POM121C: variants seen among roughly 807,000 people sequenced by gnomAD.
POM121C encodes the protein nuclear envelope pore membrane protein POM 121C.
POM121C carries 20 observed loss-of-function variants against 66.4 expected under a neutral mutation model. That is an observed-to-expected ratio of 0.30 (90% CI 0.21 to 0.44). POM121C has a LOEUF of 0.44. Ranked by LOEUF, POM121C falls within the 20% of genes least tolerant of loss-of-function variation. POM121C has a pLI of 1.00. For missense variants in POM121C, 580 were observed against 1,225.7 expected (o/e 0.47, Z 7.87); for synonymous variants, 286 against 528.0 (o/e 0.54, Z 6.28).
chr7:75,449,463 C>A (rs1276408095), intron 3 of POM121C, among the ~76,000 whole-genome samples: 22 of 151,794 alleles, frequency 1.4e-4, no homozygotes, highest in African/African-American at 5.3e-4. Flanking sequence ...CTCCCGGGTT[C>A]ATGCCATTCT....
rs2116528459 is a variant in POM121C, at chr7:75,474,894, A to G, written c.-330-12T>C. 9.2e-7 allele frequency: 1 copy of G among 1,083,190 alleles called. No individual in the cohort carries two copies. The highest frequency in any genetic ancestry group is 2.4e-5 in the East Asian group (1 of 42,046). The allele number at this position is 1,083,190 out of a possible 1,614,324, so 67.1% of individuals were successfully genotyped here. On this transcript the variant is annotated splice_polypyrimidine_tract_variant and intron_variant, in intron 2 of 14. Coordinates refer to ENST00000615331, the MANE Select transcript of POM121C (RefSeq NM_001099415.3). ...TGCCACCTCATAAGCTGCATAACAG[A>G]AATGCTCCATTTTTTACCTTATCAA... is the stretch of plus-strand genomic sequence containing the variant.
chr7:75,439,439 T>C (rs1473994634), intron 5 of POM121C, among the ~76,000 whole-genome samples: 1 of 152,118 alleles, frequency 6.6e-6, no homozygotes, highest in Non-Finnish European at 1.5e-5. Context: ...TGGAGTGCAA[T>C]AGCACAATCT....
chr7:75,434,432 A>G (rs76604115), intron 7 of POM121C, among the ~76,000 whole-genome samples: 2 of 151,354 alleles, frequency 1.3e-5, no homozygotes, highest in African/African-American at 4.9e-5. Flanking sequence ...ACGCCACCAC[A>G]CCTGGTTAAA....
rs180882840 is a variant in POM121C at position 75,421,618 on chromosome 7, G to A, written c.2634C>T (p.Ser878=). 12 of 1,613,538 alleles carry A rather than the reference G, an allele frequency of 7.4e-6. No homozygotes were observed. The East Asian group carries it at 2.2e-4, about 30-fold the overall frequency. ...GAGQSGSTAT[S]TPFTGGLGQN... ...GACCTAAGCCCCCTGTGAAGGGGGT[G>A]GAGGTGGCTGTGCTCCCACTCTGTC... The change falls in exon 13 of 15, where the codon TCC becomes TCT. Residue 878 remains serine (S), a synonymous_variant. Coordinates refer to ENST00000615331, the MANE Select transcript of POM121C (RefSeq NM_001099415.3).
At chr7:75,452,399 AGAG>A (rs1563149641) in intron 3 of POM121C, among the ~76,000 whole-genome samples, 1 of 152,158 alleles carries the variant, frequency 6.6e-6, no homozygotes, top group African/African-American at 2.4e-5. Context: ...GGTGGGAGGC[AGAG>A]GAGGAGCCGA....
chr7:75,453,814 A>G (rs1409677846), intron 3 of POM121C, among the ~76,000 whole-genome samples: 2 of 151,864 alleles, frequency 1.3e-5, no homozygotes, highest in Non-Finnish European at 2.9e-5. Context: ...AGGGGGCTGG[A>G]ATCATTTAGA....
intron 7 of POM121C, among the ~76,000 whole-genome samples, chr7:75,436,574 A>C (rs1790421069): frequency 6.6e-6 from 1 of 152,022 alleles, no homozygotes; most frequent in Non-Finnish European, 1.5e-5. Context: ...TCATCTCAAA[A>C]TTTTCCTTGT....
At chr7:75,435,434 T>C (rs1198110300) in intron 7 of POM121C, among the ~76,000 whole-genome samples, 3 of 152,314 alleles carry the variant, frequency 2.0e-5, no homozygotes, top group South Asian at 4.1e-4. Context: ...TGGAAAGGGA[T>C]GGAAATTGAA....
At chr7:75,438,682 C>CT (rs587648209) in intron 6 of POM121C, among the ~76,000 whole-genome samples, 132 of 152,312 alleles carry the variant, frequency 8.7e-4, no homozygotes, top group African/African-American at 3.0e-3. Context: ...ACCAGGAGCA[C>CT]TTTAGCTTTC....
intron 3 of POM121C, among the ~76,000 whole-genome samples, chr7:75,454,528 C>G (rs1203911032): frequency 6.6e-6 from 1 of 152,142 alleles, no homozygotes; most frequent in African/African-American, 2.4e-5. Context: ...AGCCTCCAGT[C>G]AGCGGTGTCC....
intron 3 of POM121C, among the ~76,000 whole-genome samples, chr7:75,470,274 A>G (rs113424029): frequency 0.45 from 9,464 of 21,164 alleles, 3,723 homozygotes; most frequent in African/African-American, 0.76. Flanking sequence ...TCAGTTCACT[A>G]TCTTATTCCC....
chr7:75,429,262 T>C (rs1227044780), intron 7 of POM121C, among the ~76,000 whole-genome samples: 3 of 152,234 alleles, frequency 2.0e-5, no homozygotes, highest in Admixed American at 6.5e-5. Flanking sequence ...ACTTTCTGAA[T>C]ACAAAATCAG....
chr7:75,479,357 T>C (rs587686876), intron 1 of POM121C, among the ~76,000 whole-genome samples: 1 of 152,284 alleles, frequency 6.6e-6, no homozygotes, highest in African/African-American at 2.4e-5. Context: ...GGCTCACACC[T>C]GTAATCCCAG....
chr7:75,455,184 G>C (rs1400528676), intron 3 of POM121C, among the ~76,000 whole-genome samples: 1 of 152,190 alleles, frequency 6.6e-6, no homozygotes, highest in Non-Finnish European at 1.5e-5. Context: ...ACGGCTGTAG[G>C]CATGTACCAC....
intron 6 of POM121C, 27 bp downstream of exon 6, chr7:75,439,117 A>T (rs1554473443): frequency 6.2e-7 from 1 of 1,613,100 alleles, no homozygotes; most frequent in Admixed American, 1.7e-5. Flanking sequence ...AACAGTTGGT[A>T]TTTCATCTGG....
chr7:75,443,021 T>C (rs185465393), intron 3 of POM121C, among the ~76,000 whole-genome samples: 34 of 152,260 alleles, frequency 2.2e-4, no homozygotes, highest in Admixed American at 1.4e-3. Context: ...CCTATGCTTA[T>C]GTAATTCCTA....
rs370445134 is a variant in POM121C at position 75,421,999 on chromosome 7, C to A, written c.2253G>T (p.Thr751=). The A allele has an allele frequency of 5.6e-6, 9 of 1,613,886 alleles. No individual in the cohort carries two copies. Among genetic ancestry groups the A allele is most frequent in the Admixed American group, 5.0e-5 (3 of 60,030 alleles). ...GCACGTGCGCAGGCACGATCTTGATCGTGGACGCAGGTGCAGGTGTGGGTG... is the reference window on the plus strand; with the variant it reads ...GCACGTGCGCAGGCACGATCTTGATAGTGGACGCAGGTGCAGGTGTGGGTG... ...ATAPTPAPAS[T]IKIVPAHVPT... The change falls in exon 13 of 15, where the codon ACG becomes ACT. Residue 751 remains threonine, a synonymous_variant. Coordinates refer to ENST00000615331, the MANE Select transcript of POM121C (RefSeq NM_001099415.3).
At chr7:75,432,276 T>C (rs780859690) in intron 7 of POM121C, among the ~76,000 whole-genome samples, 4 of 151,606 alleles carry the variant, frequency 2.6e-5, no homozygotes, top group Non-Finnish European at 5.9e-5. Context: ...CAATTATCTA[T>C]AGCAATATTA....
chr7:75,429,646 A>C (rs1790091805), intron 7 of POM121C, among the ~76,000 whole-genome samples: 1 of 151,502 alleles, frequency 6.6e-6, no homozygotes, highest in Admixed American at 6.6e-5. Flanking sequence ...ACAAAACAAA[A>C]ACCAGATACC....
Sources: allele counts gnomAD v4.1 joint callset (sites outside exome capture counted in the v4.1 genomes callset), GRCh38; gene constraint gnomAD v4.1.1; transcripts MANE v1.5; gene names NCBI Gene and HGNC (gene_info 2026-07-23, HGNC 2026-07-21).